The following ANKRD46 variants were observed in gnomAD, a reference collection of about 807,000 sequenced individuals.
ANKRD46 encodes the protein ankyrin repeat domain-containing protein 46.
Under a neutral mutation model 19.8 loss-of-function variants are expected in ANKRD46, and 13 were observed. That is an observed-to-expected ratio of 0.66 (90% CI 0.43 to 1.04). The LOEUF is 1.04. ANKRD46 is among the 50% of genes least tolerant of loss of function. The pLI is 0.00. For synonymous variants in ANKRD46, 91 were observed against 106.9 expected (o/e 0.85, Z 0.92); for missense variants, 185 against 274.8 (o/e 0.67, Z 2.31).
Position 100,546,627 on chromosome 8 carries a change from C to G in ANKRD46, c.-131+13084G>C, listed in dbSNP as rs752120891. Among the ~76,000 whole-genome samples the G allele has an allele frequency of 1.3e-5, 2 of 152,232 alleles. No homozygotes were observed. Among genetic ancestry groups the G allele is most frequent in the Non-Finnish European group, 2.9e-5 (2 of 68,040 alleles). ...AAGGGAAATGTAGGGTTGGAGCCCC[C>G]ACACAGAGTCCCCACTGGAGTGCTG... On this transcript the variant is annotated intron_variant, in intron 1 of 4. Transcript: ENST00000335659. This position sits in a 1 kb window ranked among gnomAD's most constrained non-coding sequence, Gnocchi z 4.0.
intron 2 of ANKRD46, among the ~76,000 whole-genome samples, chr8:100,531,147 A>G (rs2130661701): frequency 6.6e-6 from 1 of 152,358 alleles, no homozygotes; most frequent in Non-Finnish European, 1.5e-5. Flanking sequence ...AAGCCTGTCA[A>G]AAGAAACTTC....
rs1034533706 is a variant in ANKRD46, at chr8:100,522,161, C to A, written c.*394G>T. 1 of 992,122 alleles carries A rather than the reference C, an allele frequency of 1.0e-6. No individual in the cohort carries two copies. The highest frequency in any genetic ancestry group is 1.2e-6 in the Non-Finnish European group (1 of 834,018). 61.5% of individuals were successfully genotyped at this position (992,122 alleles called of 1,614,324 possible). A position where few individuals can be genotyped will look rare whatever the true frequency, so the allele number is the denominator to read the frequency against. ...AAATAAATGAAAACAAAACCACCAA[C>A]AAAAACTAATCATATAAGATACTGT... On this transcript the variant is annotated 3_prime_UTR_variant, in exon 5 of 5. Coordinates refer to ENST00000335659, the MANE Select transcript of ANKRD46 (RefSeq NM_001270377.2).
intron 3 of ANKRD46, among the ~76,000 whole-genome samples, chr8:100,528,532 T>G (rs1811890249): frequency 6.6e-6 from 1 of 151,342 alleles, no homozygotes; most frequent in African/African-American, 2.4e-5. Context: ...TTTTTTTTTT[T>G]TTACTTCCAG....
chr8:100,529,479 A>T lies in ANKRD46; in HGVS notation c.311+44T>A. 6.5e-7 allele frequency: 1 copy of T among 1,545,242 alleles called. No homozygotes were observed. Among genetic ancestry groups the T allele is most frequent in the Non-Finnish European group, 8.8e-7 (1 of 1,136,206 alleles). Reference sequence around the variant, plus strand: ...AGATAAGATTATCAGTTGAGAGATTAATGGGAAGAAATGACTAGACTTCTA... The same window carrying T: ...AGATAAGATTATCAGTTGAGAGATTTATGGGAAGAAATGACTAGACTTCTA... On this transcript the variant is annotated intron_variant, in intron 3 of 4. Coordinates refer to ENST00000335659, the MANE Select transcript of ANKRD46 (RefSeq NM_001270377.2). The surrounding 1 kb of genome is among the most constrained non-coding windows in gnomAD (Gnocchi z 5.8).
intron 1 of ANKRD46, among the ~76,000 whole-genome samples, chr8:100,547,967 T>C (rs566479885): frequency 2.0e-5 from 3 of 152,314 alleles, no homozygotes; most frequent in African/African-American, 7.2e-5. Flanking sequence ...TAAGCTATCA[T>C]GTACATTTTT....
At chr8:100,551,665 G>A in intron 1 of ANKRD46, 1 of 671,982 alleles carries the variant, frequency 1.5e-6, no homozygotes, top group South Asian at 1.4e-5. Context: ...TGGTGACCAG[G>A]TGCCCAATAT....
chr8:100,552,822 G>A (rs1165913458), intron 1 of ANKRD46, among the ~76,000 whole-genome samples: 2 of 152,128 alleles, frequency 1.3e-5, no homozygotes, highest in African/African-American at 4.8e-5. Context: ...TCCTATTACG[G>A]GTATCAATAA....
intron 5 of ANKRD46, among the ~76,000 whole-genome samples, chr8:100,515,107 T>A (rs903969453): frequency 1.1e-4 from 16 of 152,290 alleles, no homozygotes; most frequent in African/African-American, 3.4e-4. Context: ...TTGTTTTTGT[T>A]TTTTTAAATG....
intron 1 of ANKRD46, among the ~76,000 whole-genome samples, chr8:100,542,481 T>C (rs563639938): frequency 6.6e-6 from 1 of 152,140 alleles, no homozygotes; most frequent in Non-Finnish European, 1.5e-5. Flanking sequence ...ACTGGAAATG[T>C]TGATTTAATG....
intron 1 of ANKRD46, among the ~76,000 whole-genome samples, chr8:100,541,348 C>A (rs536146327): frequency 6.6e-6 from 1 of 151,980 alleles, no homozygotes; most frequent in South Asian, 2.1e-4. Flanking sequence ...AAATAGTCTA[C>A]AAAATTTAAA....
intron 4 of ANKRD46, among the ~76,000 whole-genome samples, 160 bp from the exon 5 acceptor site, chr8:100,522,931 G>A (rs1290649650): frequency 1.4e-5 from 2 of 145,992 alleles, no homozygotes; most frequent in Admixed American, 1.4e-4. Flanking sequence ...ACTCTTACAT[G>A]CTTACGTATC....
intron 4 of ANKRD46, among the ~76,000 whole-genome samples, chr8:100,523,856 C>G (rs550902691): frequency 1.5e-3 from 232 of 152,280 alleles, no homozygotes; most frequent in Non-Finnish European, 2.3e-3. Context: ...GTTGCCCAGG[C>G]TGGTCTTGAA....
downstream of ANKRD46, among the ~76,000 whole-genome samples, chr8:100,516,616 T>A (rs1297213969): frequency 6.6e-6 from 1 of 152,196 alleles, no homozygotes; most frequent in Non-Finnish European, 1.5e-5. Flanking sequence ...CTAGTAATCA[T>A]CATAATGACG....
rs1164685230 is a variant in ANKRD46 at position 100,527,952 on chromosome 8, A to G, written c.363T>C (p.Asn121=). The G allele has an allele frequency of 4.4e-6, 7 of 1,602,116 alleles. No individual in the cohort carries two copies. Among genetic ancestry groups the G allele is most frequent in the Non-Finnish European group, 5.9e-6 (7 of 1,177,034 alleles). ...PLVLAKRRGV[N]KDVIRLLESL... ...ATTCCAGCAATCGGATGACATCTTTATTTACTCCTCTGCGCTTTGCCAGAA... is the reference window on the plus strand; with the variant it reads ...ATTCCAGCAATCGGATGACATCTTTGTTTACTCCTCTGCGCTTTGCCAGAA... The change falls in exon 4 of 5, where the codon AAT becomes AAC. Residue 121 remains asparagine (N), a synonymous_variant. Coordinates refer to ENST00000335659, the MANE Select transcript of ANKRD46 (RefSeq NM_001270377.2). This position sits in a 1 kb window ranked among gnomAD's most constrained non-coding sequence, Gnocchi z 4.0.
Position 100,550,810 on chromosome 8 carries a change from C to A in ANKRD46, c.-131+8901G>T. ...GAGGAAATGAGCTTGACAAAGTGGT[C>A]ACTGAGGGCAATGGCAGCCCCAGCA... is the stretch of plus-strand genomic sequence containing the variant. On this transcript the variant is annotated intron_variant, in intron 1 of 4. Transcript: ENST00000335659. This position sits in a 1 kb window ranked among gnomAD's most constrained non-coding sequence, Gnocchi z 4.4. 4.4e-6 allele frequency: 2 copies of A among 457,036 alleles called. No homozygotes were observed. Among genetic ancestry groups the A allele is most frequent in the South Asian group, 1.8e-5 (1 of 56,146 alleles). 28.3% of individuals were successfully genotyped at this position (457,036 alleles called of 1,614,324 possible). A position where few individuals can be genotyped will look rare whatever the true frequency, so the allele number is the denominator to read the frequency against.
At position 100,546,100 on chromosome 8, in the gene ANKRD46, T is replaced by C. The variant is rs1323426250; in HGVS notation, c.-130-12789A>G. Among the ~76,000 whole-genome samples the C allele has an allele frequency of 6.6e-6, 1 of 152,262 alleles. No individual in the cohort carries two copies. Among genetic ancestry groups the C allele is most frequent in the Non-Finnish European group, 1.5e-5 (1 of 68,042 alleles). On this transcript the variant is annotated intron_variant, in intron 1 of 4. Coordinates refer to ENST00000335659, the MANE Select transcript of ANKRD46 (RefSeq NM_001270377.2). This position sits in a 1 kb window ranked among gnomAD's most constrained non-coding sequence, Gnocchi z 4.0. ...CATAAAAGTTTGGAAATTTGCAGCC[T>C]GACTGGTAGAAAAGAAAACCCCATT...
Position 100,523,006 on chromosome 8 carries a change from T to G in ANKRD46, c.471-235A>C, listed in dbSNP as rs985139688. On this transcript the variant is annotated intron_variant, in intron 4 of 4. Transcript: ENST00000335659. ...TGAGTATGTTTCTCTTGGTTTAGAA[T>G]TTAGTAAACTCAAGTTAAAAATTCT... is the stretch of plus-strand genomic sequence containing the variant. Among the ~76,000 whole-genome samples, 9 of 152,130 alleles carry G rather than the reference T, an allele frequency of 5.9e-5. No individual in the cohort carries two copies. In the South Asian group the frequency reaches 1.7e-3, roughly 28 times the overall value.
intron 1 of ANKRD46, among the ~76,000 whole-genome samples, chr8:100,553,375 A>G (rs920521123): frequency 1.3e-5 from 2 of 152,252 alleles, no homozygotes; most frequent in Non-Finnish European, 2.9e-5. Flanking sequence ...GACTGATAGT[A>G]GGACTAAAAC....
rs769181302 is a variant in ANKRD46 at position 100,520,850 on chromosome 8, C to T, written c.*1705G>A. ...AGAACAGAATACAAAGAAATCAGCA[C>T]ATAAAAGGAACCATTAATCTTTAAA... On this transcript the variant is annotated 3_prime_UTR_variant, in exon 5 of 5. Coordinates refer to ENST00000335659, the MANE Select transcript of ANKRD46 (RefSeq NM_001270377.2). 110 of 984,086 alleles carry T rather than the reference C, an allele frequency of 1.1e-4. No homozygotes were observed. The Middle Eastern group carries it at 2.1e-3, about 19-fold the overall frequency. The allele number at this position is 984,086 out of a possible 1,614,324, so 61.0% of individuals were successfully genotyped here.
Sources: gnomAD v4.1 joint callset for allele counts (sites outside exome capture counted in the v4.1 genomes callset) on GRCh38, gnomAD v4.1.1 for gene constraint, Gnocchi (gnomAD v3.1) non-coding constraint, MANE v1.5 for transcripts, NCBI Gene and HGNC (gene_info 2026-07-23, HGNC 2026-07-21) for gene names.